The following CTNNA3 variants were observed in gnomAD, a reference collection of about 807,000 sequenced individuals.
The protein encoded by CTNNA3 is catenin alpha-3.
CTNNA3 carries 76 observed loss-of-function variants against 95.7 expected under a neutral mutation model. The observed-to-expected ratio is 0.79, with a 90% CI of 0.66 to 0.96. The LOEUF is 0.96. Ranked by LOEUF, CTNNA3 falls within the 40% of genes least tolerant of loss-of-function variation. The pLI, the probability that CTNNA3 is intolerant of heterozygous loss-of-function variation, is 0.00. For synonymous variants in CTNNA3, 431 were observed against 374.4 expected (o/e 1.15, Z -1.74); for missense variants, 1,191 against 1,089.8 (o/e 1.09, Z -1.31).
At chr10:66,947,335 G>C (rs545192832) in intron 7 of CTNNA3, among the ~76,000 whole-genome samples, 68 of 152,256 alleles carry the variant, frequency 4.5e-4, no homozygotes, top group African/African-American at 1.6e-3. Context: ...CTAAGAAACA[G>C]AGCTATCACA....
chr10:67,052,184 T>A (rs1855140794), intron 7 of CTNNA3, among the ~76,000 whole-genome samples: 1 of 152,196 alleles, frequency 6.6e-6, no homozygotes, highest in African/African-American at 2.4e-5. Flanking sequence ...CTACCTTATC[T>A]GTGGTACCAG....
intron 2 of CTNNA3, among the ~76,000 whole-genome samples, chr10:67,612,901 G>T (rs1213097108): frequency 6.6e-6 from 1 of 152,144 alleles, no homozygotes; most frequent in Non-Finnish European, 1.5e-5. Context: ...TGCCCTCGTT[G>T]AATCTTTCAT....
intron 17 of CTNNA3, among the ~76,000 whole-genome samples, chr10:65,954,541 T>C (rs1034454647): frequency 1.3e-5 from 2 of 152,238 alleles, no homozygotes; most frequent in Non-Finnish European, 2.9e-5. Context: ...AAGTCTTTAA[T>C]CCATCTTGAC....
intron 11 of CTNNA3, among the ~76,000 whole-genome samples, chr10:66,426,955 T>C (rs1002765469): frequency 6.6e-6 from 1 of 152,050 alleles, no homozygotes; most frequent in African/African-American, 2.4e-5. Context: ...GAATTCCTCA[T>C]TTATATCATT....
chr10:66,417,845 C>T (rs1026115802), intron 11 of CTNNA3, among the ~76,000 whole-genome samples: 2 of 151,748 alleles, frequency 1.3e-5, no homozygotes, highest in Non-Finnish European at 2.9e-5. Context: ...ATATCAAAAT[C>T]TGTGGGATAC....
chr10:67,596,295 A>G, intron 3 of CTNNA3, among the ~76,000 whole-genome samples: 1 of 152,052 alleles, frequency 6.6e-6, no homozygotes, highest in East Asian at 1.9e-4. Context: ...GCACTCCCTT[A>G]ACCCATTTAT....
chr10:66,130,864 CA>C (rs1209953818), intron 13 of CTNNA3, among the ~76,000 whole-genome samples: 1,370 of 83,188 alleles, frequency 0.016, 11 homozygotes, highest in South Asian at 0.03. Flanking sequence ...CAAAAACAAA[CA>C]AAAAAAAAAA....
At chr10:66,364,538 A>AT (rs2092698359) in intron 12 of CTNNA3, among the ~76,000 whole-genome samples, 1 of 152,162 alleles carries the variant, frequency 6.6e-6, no homozygotes, top group Non-Finnish European at 1.5e-5. Context: ...TATTTTGGCC[A>AT]TTTTTTCTTT....
chr10:66,791,235 G>A (rs1205030711), intron 7 of CTNNA3, among the ~76,000 whole-genome samples: 3 of 152,074 alleles, frequency 2.0e-5, no homozygotes, highest in East Asian at 3.9e-4. Context: ...TTTTAAACAG[G>A]GAGTCAAATC....
chr10:67,583,616 G>C (rs1444577506), intron 3 of CTNNA3, among the ~76,000 whole-genome samples: 2 of 152,124 alleles, frequency 1.3e-5, no homozygotes, highest in African/African-American at 4.8e-5. Flanking sequence ...GCCTTGCTAG[G>C]TTGTGGAAGT....
chr10:67,358,115 TAC>T (rs1289811464), intron 5 of CTNNA3, among the ~76,000 whole-genome samples: 1 of 152,114 alleles, frequency 6.6e-6, no homozygotes, highest in Non-Finnish European at 1.5e-5. Context: ...TACCTCATGA[TAC>T]ACAAAAATTA....
chr10:67,154,477 G>A (rs1161130802), intron 7 of CTNNA3, among the ~76,000 whole-genome samples: 1 of 152,120 alleles, frequency 6.6e-6, no homozygotes, highest in African/African-American at 2.4e-5. Flanking sequence ...TCCAATAAGA[G>A]CTTTGCCTTT....
intron 10 of CTNNA3, among the ~76,000 whole-genome samples, chr10:66,547,946 A>T: frequency 6.9e-6 from 1 of 145,432 alleles, no homozygotes; most frequent in Non-Finnish European, 1.5e-5. Context: ...ATGGAGTTTC[A>T]CTCTTGTTGC....
At chr10:67,514,723 T>TG (rs1564707106) in intron 5 of CTNNA3, among the ~76,000 whole-genome samples, 1 of 150,884 alleles carries the variant, frequency 6.6e-6, no homozygotes, top group East Asian at 1.9e-4. Flanking sequence ...TTTTGTTGTT[T>TG]TTTTTTTTTT....
chr10:67,541,572 T>A (rs1308237539), intron 3 of CTNNA3, among the ~76,000 whole-genome samples: 7 of 152,048 alleles, frequency 4.6e-5, no homozygotes, highest in African/African-American at 1.7e-4. Flanking sequence ...GCCTTCAATG[T>A]CCTTATCTAT....
chr10:67,270,665 A>C lies in CTNNA3; in HGVS notation c.580-50795T>G, dbSNP rs187228147. ...GTGAACTCCAGAAATAGAAAGCTGC[A>C]GTCACTAAAGGAATATTAGCTTTTG... On this transcript the variant is annotated intron_variant, in intron 5 of 17. Coordinates refer to ENST00000433211, the MANE Select transcript of CTNNA3 (RefSeq NM_013266.4). Among the ~76,000 whole-genome samples the C allele has an allele frequency of 7.4e-4, 112 of 152,328 alleles. 1 individual carries two copies. Among genetic ancestry groups the C allele is most frequent in the African/African-American group, 2.6e-3 (108 of 41,582 alleles).
intron 5 of CTNNA3, among the ~76,000 whole-genome samples, chr10:67,375,067 C>A (rs1843638934): frequency 6.6e-6 from 1 of 152,124 alleles, no homozygotes. Context: ...TATTTATTAT[C>A]CTGCCCAAAT....
At chr10:66,386,995 A>G (rs568872039) in intron 11 of CTNNA3, among the ~76,000 whole-genome samples, 5 of 152,190 alleles carry the variant, frequency 3.3e-5, no homozygotes, top group African/African-American at 4.8e-5. Flanking sequence ...TAAAAACCCT[A>G]GAAGAAAACC....
In CTNNA3 at chr10:67,680,526, G is replaced by C. The variant is rs74478368; in HGVS notation, c.-6+15474C>G. Among the ~76,000 whole-genome samples the C allele has an allele frequency of 0.034, 5,130 of 152,144 alleles. 609 individuals are homozygous for C. The East Asian group carries it at 0.44, about 13-fold the overall frequency. On this transcript the variant is annotated intron_variant, in intron 1 of 17. Coordinates refer to ENST00000433211, the MANE Select transcript of CTNNA3 (RefSeq NM_013266.4). ...GTGTCCAGCCCAAAAGCACCAAACGGTAGAAACCAGTACTTCTGTATCACT... is the reference window on the plus strand; with the variant it reads ...GTGTCCAGCCCAAAAGCACCAAACGCTAGAAACCAGTACTTCTGTATCACT...
Sources: allele counts gnomAD v4.1 joint callset (sites outside exome capture counted in the v4.1 genomes callset), GRCh38; gene constraint gnomAD v4.1.1; transcripts MANE v1.5; gene names NCBI Gene and HGNC (gene_info 2026-07-23, HGNC 2026-07-21).